DNAH12: variants seen among roughly 807,000 people sequenced by gnomAD.
The protein encoded by DNAH12 is dynein axonemal heavy chain 12.
In DNAH12, 285 loss-of-function variants were observed where a neutral mutation model predicts 371.5. The ratio of observed to expected loss-of-function variants is 0.77; its 90% CI spans 0.70 to 0.85. DNAH12 has a LOEUF of 0.85. DNAH12 is among the 40% of genes least tolerant of loss of function. DNAH12 has a pLI of 0.00. For missense variants in DNAH12, 3,611 were observed against 3,689.4 expected, an observed-to-expected ratio of 0.98 and a Z score of 0.55; for synonymous variants, 1,200 against 1,213.0, an observed-to-expected ratio of 0.99 and a Z score of 0.22.
At chr3:57,470,966 CAA>C (rs2066348574) in intron 15 of DNAH12, among the ~76,000 whole-genome samples, 1 of 152,150 alleles carries the variant, frequency 6.6e-6, no homozygotes, top group Non-Finnish European at 1.5e-5. Flanking sequence ...CTCAAACTCC[CAA>C]AGTGCTAGGA....
rs568243697 is a variant in DNAH12 at position 57,418,909 on chromosome 3, G to A, written c.5714+458C>T. Among the ~76,000 whole-genome samples, 4 of 152,164 alleles carry A rather than the reference G, an allele frequency of 2.6e-5. 1 individual carries two copies. The highest frequency in any genetic ancestry group is 2.6e-4 in the Admixed American group (4 of 15,260). On this transcript the variant is annotated intron_variant, in intron 37 of 73. Transcript: ENST00000495027. Reference sequence around the variant, plus strand: ...TCTAGGCTTTTGATCAGTTTCATGTGTCTTTACTTTTGATGGACTCTTCTG... The same window carrying A: ...TCTAGGCTTTTGATCAGTTTCATGTATCTTTACTTTTGATGGACTCTTCTG...
chr3:57,477,647 C>G (rs546567496), intron 13 of DNAH12, among the ~76,000 whole-genome samples: 2 of 152,172 alleles, frequency 1.3e-5, no homozygotes, highest in African/African-American at 4.8e-5. Flanking sequence ...CCCTGACCCC[C>G]GAGTAGCCTA....
At position 57,415,287 on chromosome 3, in the gene DNAH12, A is replaced by C. The variant is rs181415501; in HGVS notation, c.5853+139T>G. 196 of 1,192,654 alleles carry C rather than the reference A, an allele frequency of 1.6e-4. No individual in the cohort carries two copies. In the African/African-American group the frequency reaches 2.8e-3, roughly 17 times the overall value. 73.9% of individuals were successfully genotyped at this position (1,192,654 alleles called of 1,614,324 possible). ...CTGAAACTTGTATCATTAATTCCAA[A>C]AACTTGTAACTCCCCAAACATTTGA... is the stretch of plus-strand genomic sequence containing the variant. On this transcript the variant is annotated intron_variant, in intron 38 of 73. Coordinates refer to ENST00000495027, the MANE Select transcript of DNAH12 (RefSeq NM_001366028.2).
rs1015729104 is a variant in DNAH12, at chr3:57,459,377, C to T, written c.2931+215G>A. On this transcript the variant is annotated intron_variant, in intron 20 of 73. Coordinates refer to ENST00000495027, the MANE Select transcript of DNAH12 (RefSeq NM_001366028.2). ...ATCAGATGTACATTTGAAGCAGCTC[C>T]ACCAGGTATACTAAAGAGTTACAAG... Among the ~76,000 whole-genome samples the T allele has an allele frequency of 3.9e-5, 6 of 152,182 alleles. No homozygotes were observed. In the South Asian group the frequency reaches 1.0e-3, roughly 26 times the overall value.
chr3:57,473,169 G>A (rs943708009), intron 13 of DNAH12, among the ~76,000 whole-genome samples: 2 of 151,880 alleles, frequency 1.3e-5, no homozygotes, highest in Non-Finnish European at 2.9e-5. Context: ...AGAATATTGC[G>A]GTATGTAATA....
chr3:57,447,005 G>A (rs2065525509), intron 25 of DNAH12, among the ~76,000 whole-genome samples: 1 of 152,166 alleles, frequency 6.6e-6, no homozygotes, highest in African/African-American at 2.4e-5. Flanking sequence ...TGTGGAGATG[G>A]TTGTGGAGGA....
intron 13 of DNAH12, among the ~76,000 whole-genome samples, chr3:57,475,067 G>A (rs1185603824): frequency 6.6e-6 from 1 of 152,060 alleles, no homozygotes; most frequent in Non-Finnish European, 1.5e-5. Flanking sequence ...CAATAAATAT[G>A]TATTTGCTCA....
chr3:57,428,837 A>C lies in DNAH12; in HGVS notation c.5065-16T>G. The C allele has an allele frequency of 6.6e-7, 1 of 1,509,822 alleles. No homozygotes were observed. The highest frequency in any genetic ancestry group is 8.8e-7 in the Non-Finnish European group (1 of 1,131,830). The allele number at this position is 1,509,822 out of a possible 1,614,324, so 93.5% of individuals were successfully genotyped here. ...CAGTGGCAGGCTAGAGAAAAAAGGCAACTTTTTGCACTGTTGTTTTTATAC... is the reference window on the plus strand; with the variant it reads ...CAGTGGCAGGCTAGAGAAAAAAGGCCACTTTTTGCACTGTTGTTTTTATAC... On this transcript the variant is annotated splice_polypyrimidine_tract_variant and intron_variant, in intron 33 of 73. Transcript: ENST00000495027.
intron 43 of DNAH12, among the ~76,000 whole-genome samples, chr3:57,395,072 C>G (rs979776656): frequency 8.6e-5 from 13 of 151,956 alleles, no homozygotes; most frequent in Non-Finnish European, 1.5e-5. Flanking sequence ...GAGGTAAATG[C>G]GTAAATATCA....
rs1461967273 is a variant in DNAH12, at chr3:57,385,337, A to C, written c.7683+12T>G. The C allele has an allele frequency of 6.6e-6, 1 of 152,212 alleles. No homozygotes were observed. The highest frequency in any genetic ancestry group is 1.5e-5 in the Non-Finnish European group (1 of 68,048). 9.4% of individuals were successfully genotyped at this position (152,212 alleles called of 1,614,324 possible). On this transcript the variant is annotated intron_variant, in intron 48 of 73. Transcript: ENST00000495027. ...TTGTCCTTTGACATCAAAAACATTC[A>C]GGATACTCTACCTGCATCATATTTG...
Position 57,444,791 on chromosome 3 carries a change from T to A in DNAH12, c.4451A>T (p.Asn1484Ile), listed in dbSNP as rs763784413. Residue 1484 changes from asparagine (N) to isoleucine (I), a missense_variant, in exon 29 of 74, where the codon AAT becomes ATT. Physicochemically the swap from Asn to Ile is moderately radical, Grantham distance 149 (BLOSUM62 -3). Coordinates refer to ENST00000495027, the MANE Select transcript of DNAH12 (RefSeq NM_001366028.2). Reference sequence around the variant, plus strand: ...ATCATGTGATAAAAACTTTGGTTCATTTACATCTTTAATTGATCGAAGAAG... The same window carrying A: ...ATCATGTGATAAAAACTTTGGTTCAATTACATCTTTAATTGATCGAAGAAG... ...ILLLRSIKDV[N>I]EPKFLSHDIP... is the part of the protein sequence containing the mutation. The A allele has an allele frequency of 9.1e-6, 14 of 1,546,852 alleles. No homozygotes were observed. The African/African-American group carries it at 1.9e-4, about 21-fold the overall frequency.
intron 59 of DNAH12, among the ~76,000 whole-genome samples, chr3:57,352,768 T>C (rs2153322533): frequency 6.6e-6 from 1 of 152,142 alleles, no homozygotes; most frequent in South Asian, 2.1e-4. Context: ...AAGCATAAAG[T>C]CTAGATAAAA....
In DNAH12 at chr3:57,504,016, C is replaced by T. The variant is rs755546358; in HGVS notation, c.1086G>A (p.Gln362=). The T allele has an allele frequency of 6.2e-7, 1 of 1,610,760 alleles. No individual in the cohort carries two copies. The highest frequency in any genetic ancestry group is 8.5e-7 in the Non-Finnish European group (1 of 1,177,850). The change falls in exon 9 of 74, where the codon CAG becomes CAA. Residue 362 remains glutamine, a splice_region_variant and synonymous_variant. Transcript: ENST00000495027. ...TTCCCGATGGGTAAAGATGTAATAC[C>T]TGCAGAGCTTCGGCTATTCGTTCCA... ...SLVERIAEAL[Q]NVQTIPSWLS...
chr3:57,373,514 T>C (rs891153306), intron 55 of DNAH12, among the ~76,000 whole-genome samples: 1 of 143,114 alleles, frequency 7.0e-6, no homozygotes, highest in Admixed American at 7.1e-5. Flanking sequence ...TCAGTAGAGG[T>C]GGGGTTTCAC....
At chr3:57,525,193 G>T (rs952133648) in intron 2 of DNAH12, among the ~76,000 whole-genome samples, 2 of 151,102 alleles carry the variant, frequency 1.3e-5, no homozygotes, top group African/African-American at 4.9e-5. Context: ...TGAAGGAAAG[G>T]GTGTCCACTG....
intron 38 of DNAH12, among the ~76,000 whole-genome samples, 154 bp downstream of exon 38, chr3:57,415,272 T>A (rs1157784043): frequency 6.6e-6 from 1 of 152,216 alleles, no homozygotes; most frequent in African/African-American, 2.4e-5. Flanking sequence ...CTGAAACTTG[T>A]ATCATTAATT....
At chr3:57,540,954 T>C (rs1413192093) in intron 2 of DNAH12, among the ~76,000 whole-genome samples, 3 of 150,604 alleles carry the variant, frequency 2.0e-5, no homozygotes, top group Non-Finnish European at 4.4e-5. Context: ...AAAGGAACAA[T>C]GTATAATTCC....
At chr3:57,515,345 C>T (rs2068154466) in intron 4 of DNAH12, among the ~76,000 whole-genome samples, 1 of 151,582 alleles carries the variant, frequency 6.6e-6, no homozygotes, top group Non-Finnish European at 1.5e-5. Flanking sequence ...TCTTATTGTG[C>T]CAGAAAGTAA....
intron 65 of DNAH12, among the ~76,000 whole-genome samples, chr3:57,319,450 G>C (rs2061756960): frequency 6.6e-6 from 1 of 152,098 alleles, no homozygotes; most frequent in Non-Finnish European, 1.5e-5. Context: ...CCTTCTTTCT[G>C]ATCTTACAGG....
Sources: gnomAD v4.1 joint callset for allele counts (sites outside exome capture counted in the v4.1 genomes callset) on GRCh38, gnomAD v4.1.1 for gene constraint, MANE v1.5 for transcripts, NCBI Gene and HGNC (gene_info 2026-07-23, HGNC 2026-07-21) for gene names.